The following MKLN1 variants were observed in gnomAD, a reference collection of about 807,000 sequenced individuals.
The protein encoded by MKLN1 is muskelin.
Under a neutral mutation model 99.0 loss-of-function variants are expected in MKLN1, and 18 were observed. The observed-to-expected ratio is 0.18, with a 90% CI of 0.13 to 0.27. The LOEUF (loss-of-function observed/expected upper bound fraction) is 0.27, where lower values mean the gene tolerates loss of function less well. MKLN1 is among the 10% of genes least tolerant of loss of function. The probability of loss-of-function intolerance (pLI) is 1.00; values close to 1 mark genes in which losing one functional copy is unlikely to be tolerated. For missense variants in MKLN1, 621 were observed against 875.9 expected (o/e 0.71, Z 3.67); for synonymous variants, 288 against 293.2 (o/e 0.98, Z 0.18).
chr7:131,287,299 A>T (rs1002771142), intron 3 of MKLN1, among the ~76,000 whole-genome samples: 1 of 152,260 alleles, frequency 6.6e-6, no homozygotes, highest in Non-Finnish European at 1.5e-5. Context: ...TTAAAACAAC[A>T]GAATTTTATT....
chr7:131,424,147 A>G (rs1232089335), intron 8 of MKLN1, among the ~76,000 whole-genome samples: 1 of 152,204 alleles, frequency 6.6e-6, no homozygotes, highest in Non-Finnish European at 1.5e-5. Flanking sequence ...TTTTAGAAGC[A>G]TTCAGACTCT....
chr7:131,142,223 T>A (rs1284600455), intron 1 of MKLN1, among the ~76,000 whole-genome samples: 2 of 151,688 alleles, frequency 1.3e-5, no homozygotes, highest in Non-Finnish European at 2.9e-5. Flanking sequence ...CTGGCCAAAA[T>A]GGCAAAACCC....
intron 1 of MKLN1, among the ~76,000 whole-genome samples, chr7:131,355,279 TTG>T (rs1390067259): frequency 1.3e-5 from 2 of 152,152 alleles, no homozygotes; most frequent in African/African-American, 4.8e-5. Flanking sequence ...AATTTATTAT[TTG>T]TGTGAACTGT....
intron 3 of MKLN1, among the ~76,000 whole-genome samples, chr7:131,209,369 G>A (rs1247759860): frequency 6.6e-6 from 1 of 152,218 alleles, no homozygotes; most frequent in Non-Finnish European, 1.5e-5. Context: ...GCAATTACAG[G>A]AATTCAGGCC....
intron 1 of MKLN1, among the ~76,000 whole-genome samples, chr7:131,348,835 A>C (rs1424718774): frequency 6.6e-6 from 1 of 152,180 alleles, no homozygotes; most frequent in Non-Finnish European, 1.5e-5. Flanking sequence ...TAGAGAGAAC[A>C]CTGACCTAGG....
intron 6 of MKLN1, among the ~76,000 whole-genome samples, chr7:131,402,026 A>T (rs774132108): frequency 6.6e-6 from 1 of 152,176 alleles, no homozygotes; most frequent in Non-Finnish European, 1.5e-5. Context: ...AATTTGCTGC[A>T]TCAATGAGTT....
At chr7:131,242,491 G>A (rs566683018) in intron 3 of MKLN1, 3 of 243,642 alleles carry the variant, frequency 1.2e-5, no homozygotes, top group Non-Finnish European at 2.4e-5. Flanking sequence ...AGCTGTGATT[G>A]CGCCACTGCC....
chr7:131,336,771 G>A (rs1043449183), intron 1 of MKLN1, among the ~76,000 whole-genome samples: 4 of 152,036 alleles, frequency 2.6e-5, no homozygotes, highest in South Asian at 2.1e-4. Context: ...TGCATTTCAC[G>A]TCTACATTTA....
intron 2 of MKLN1, among the ~76,000 whole-genome samples, chr7:131,160,873 T>C (rs1225076249): frequency 6.6e-6 from 1 of 152,036 alleles, no homozygotes; most frequent in Non-Finnish European, 1.5e-5. Flanking sequence ...CATGTATTAC[T>C]TAGCTAAGCC....
At chr7:131,440,225 C>T (rs1405966304) in intron 10 of MKLN1, among the ~76,000 whole-genome samples, 1 of 152,122 alleles carries the variant, frequency 6.6e-6, no homozygotes, top group East Asian at 1.9e-4. Flanking sequence ...GTGAAGGAAA[C>T]ACAGTGGGAA....
At chr7:131,327,620 C>T, upstream of MKLN1, 1 of 414,948 alleles carries the variant, frequency 2.4e-6, no homozygotes, top group Non-Finnish European at 4.3e-6. Context: ...CTTACCTCTG[C>T]TTGTAAGAAA....
intron 8 of MKLN1, among the ~76,000 whole-genome samples, chr7:131,425,721 T>A (rs1398985198): frequency 6.6e-6 from 1 of 152,154 alleles, no homozygotes; most frequent in Non-Finnish European, 1.5e-5. Context: ...CTACCCCAGA[T>A]GTACATGAAT....
At chr7:131,335,367 G>A (rs1799221286) in intron 1 of MKLN1, among the ~76,000 whole-genome samples, 1 of 152,014 alleles carries the variant, frequency 6.6e-6, no homozygotes. Flanking sequence ...TACTGATTAA[G>A]ATTAATCCAT....
At chr7:131,184,019 G>A (rs1360661384) in intron 2 of MKLN1, among the ~76,000 whole-genome samples, 2 of 151,596 alleles carry the variant, frequency 1.3e-5, no homozygotes, top group Non-Finnish European at 1.5e-5. Context: ...AAGAAGAAGA[G>A]TTACTTTTTT....
chr7:131,410,661 C>A (rs1230626778), intron 6 of MKLN1, among the ~76,000 whole-genome samples: 2 of 151,956 alleles, frequency 1.3e-5, no homozygotes, highest in African/African-American at 4.8e-5. Context: ...AGATTAGGAT[C>A]CAATGAATCC....
rs116166274 is a variant in MKLN1, at chr7:131,283,194, C to T, written c.-179+80220C>T. On this transcript the variant is annotated intron_variant, in intron 3 of 7. Coordinates refer to the MKLN1 transcript ENST00000416992. ...GAATCTCAAAAGATCCTTCCGCTGT[C>T]GATGGCCATGACCCTCAGAGTTACC... is the stretch of plus-strand genomic sequence containing the variant. Among the ~76,000 whole-genome samples, 1,192 of 152,238 alleles carry T rather than the reference C, an allele frequency of 7.8e-3. 17 individuals carry two copies. The highest frequency in any genetic ancestry group is 0.028 in the African/African-American group (1,147 of 41,530).
At chr7:131,173,018 G>A (rs777069521) in intron 2 of MKLN1, among the ~76,000 whole-genome samples, 2 of 152,124 alleles carry the variant, frequency 1.3e-5, no homozygotes, top group African/African-American at 2.4e-5. Context: ...TCTGTAACAT[G>A]ATATTTGCAT....
chr7:131,372,782 A>G (rs1012172674), intron 1 of MKLN1, among the ~76,000 whole-genome samples: 2 of 148,944 alleles, frequency 1.3e-5, no homozygotes, highest in African/African-American at 2.5e-5. Context: ...AGGCTTTAGC[A>G]TATGGTGATT....
intron 17 of MKLN1, among the ~76,000 whole-genome samples, chr7:131,481,484 C>T (rs539139790): frequency 6.6e-6 from 1 of 152,266 alleles, no homozygotes; most frequent in African/African-American, 2.4e-5. Flanking sequence ...AGATGATCAT[C>T]TTGAGCCCGA....
Sources: allele counts gnomAD v4.1 joint callset (sites outside exome capture counted in the v4.1 genomes callset), GRCh38; gene constraint gnomAD v4.1.1; transcripts MANE v1.5; gene names NCBI Gene and HGNC (gene_info 2026-07-23, HGNC 2026-07-21).